The following CRADD variants were observed in gnomAD, a reference collection of about 807,000 sequenced individuals.
The protein encoded by CRADD is death domain-containing protein CRADD.
Under a neutral mutation model 15.5 loss-of-function variants are expected in CRADD, and 9 were observed. That is an observed-to-expected ratio of 0.58 (90% CI 0.35 to 1.01). The LOEUF (loss-of-function observed/expected upper bound fraction) is 1.01. Among genes scored for constraint, CRADD ranks in the 50% least tolerant of loss-of-function variants. The probability of loss-of-function intolerance (pLI) is 0.02; values close to 1 mark genes in which losing one functional copy is unlikely to be tolerated. For missense variants in CRADD, 227 were observed against 250.3 expected (o/e 0.91, Z 0.63); for synonymous variants, 118 against 107.6 (o/e 1.10, Z -0.60).
chr12:93,759,952 G>A (rs1272375911), intron 2 of CRADD, among the ~76,000 whole-genome samples: 1 of 152,148 alleles, frequency 6.6e-6, no homozygotes, highest in Non-Finnish European at 1.5e-5. Context: ...CCATCTGATG[G>A]TGGGGTGTGG....
exon 3 of CRADD, chr12:93,894,710 G>GC (rs1958600386): frequency 6.5e-6 from 1 of 153,018 alleles, no homozygotes; most frequent in Admixed American, 6.5e-5. Flanking sequence ...GAGGCCCACA[G>GC]CCCCCGCCAG....
chr12:93,727,093 G>A lies in CRADD; in HGVS notation c.298+48021G>A, dbSNP rs148291847. Among the ~76,000 whole-genome samples the A allele has an allele frequency of 3.3e-3, 500 of 152,272 alleles. 4 individuals carry two copies. Among genetic ancestry groups the A allele is most frequent in the South Asian group, 0.011 (54 of 4,822 alleles). On this transcript the variant is annotated intron_variant, in intron 2 of 2. Coordinates refer to ENST00000332896, the MANE Select transcript of CRADD (RefSeq NM_003805.5). The stretch of plus-strand genomic sequence containing the variant: ...ATTTATGATGCTCAGGTGGGAAAAC[G>A]TTCAGACTCCACAATTGAAAAGATC...
At chr12:93,779,975 C>G (rs991192945) in intron 2 of CRADD, among the ~76,000 whole-genome samples, 2 of 152,154 alleles carry the variant, frequency 1.3e-5, no homozygotes, top group African/African-American at 4.8e-5. Flanking sequence ...AGCACATGAT[C>G]AGGGACAAAT....
At chr12:93,819,694 A>G (rs528705004) in intron 2 of CRADD, among the ~76,000 whole-genome samples, 1 of 152,260 alleles carries the variant, frequency 6.6e-6, no homozygotes, top group Admixed American at 6.5e-5. Context: ...GGCAAACACT[A>G]TAGAAGTACT....
chr12:93,762,225 T>C (rs934207155), intron 2 of CRADD, among the ~76,000 whole-genome samples: 1 of 152,210 alleles, frequency 6.6e-6, no homozygotes, highest in African/African-American at 2.4e-5. Flanking sequence ...TAATTGCAGC[T>C]GCTACTCTGG....
chr12:93,830,770 T>A (rs1056973357), intron 2 of CRADD, among the ~76,000 whole-genome samples: 2 of 152,212 alleles, frequency 1.3e-5, no homozygotes, highest in South Asian at 2.1e-4. Flanking sequence ...ACTTTAATTC[T>A]CTTGACTTTA....
At chr12:93,678,408 G>T (rs1955206004) in intron 1 of CRADD, among the ~76,000 whole-genome samples, 2 of 152,160 alleles carry the variant, frequency 1.3e-5, no homozygotes, top group African/African-American at 2.4e-5. Flanking sequence ...CTTCTCCAGC[G>T]TGTTAAAATT....
At chr12:93,728,552 A>G (rs1956408775) in intron 2 of CRADD, among the ~76,000 whole-genome samples, 1 of 152,210 alleles carries the variant, frequency 6.6e-6, no homozygotes, top group African/African-American at 2.4e-5. Flanking sequence ...TAAAGTTCAG[A>G]AAAACATTGC....
At chr12:93,827,843 A>G (rs892430551) in intron 2 of CRADD, among the ~76,000 whole-genome samples, 1 of 152,222 alleles carries the variant, frequency 6.6e-6, no homozygotes, top group Admixed American at 6.5e-5. Flanking sequence ...CTCATCTTGC[A>G]TAAATGAAAG....
At chr12:93,685,957 C>T (rs900971896) in intron 2 of CRADD, among the ~76,000 whole-genome samples, 8 of 151,904 alleles carry the variant, frequency 5.3e-5, no homozygotes, top group Admixed American at 2.6e-4. Flanking sequence ...CGCGCCATTG[C>T]ACTCCAGCCT....
At chr12:93,786,848 C>A (rs1334921447) in intron 2 of CRADD, among the ~76,000 whole-genome samples, 1 of 152,078 alleles carries the variant, frequency 6.6e-6, no homozygotes, top group Non-Finnish European at 1.5e-5. Flanking sequence ...GTACTTTATT[C>A]CCATAGAAAA....
At chr12:93,866,469 A>G (rs993372701) in intron 2 of CRADD, among the ~76,000 whole-genome samples, 5 of 152,154 alleles carry the variant, frequency 3.3e-5, no homozygotes, top group African/African-American at 1.2e-4. Flanking sequence ...CTATTGCTTC[A>G]TGTTTACAAT....
intron 2 of CRADD, among the ~76,000 whole-genome samples, chr12:93,813,232 A>T (rs1957649080): frequency 6.6e-6 from 1 of 152,214 alleles, no homozygotes; most frequent in Non-Finnish European, 1.5e-5. Flanking sequence ...GAATCTAGCC[A>T]TGTAAAAACT....
chr12:93,737,232 T>C (rs998841682), intron 2 of CRADD, among the ~76,000 whole-genome samples: 1 of 152,228 alleles, frequency 6.6e-6, no homozygotes, highest in Non-Finnish European at 1.5e-5. Context: ...GATATTACTA[T>C]ATTGCAAGTA....
At chr12:93,682,270 A>G (rs529298945) in intron 2 of CRADD, among the ~76,000 whole-genome samples, 1 of 152,194 alleles carries the variant, frequency 6.6e-6, no homozygotes, top group Non-Finnish European at 1.5e-5. Context: ...TTTTGTAAAG[A>G]TATCTTTGAG....
chr12:93,893,529 G>A (rs887098208), intron 2 of CRADD, among the ~76,000 whole-genome samples: 1 of 152,132 alleles, frequency 6.6e-6, no homozygotes, highest in Admixed American at 6.6e-5. Context: ...GCTTTCTAAA[G>A]CATTTGTTTG....
intron 2 of CRADD, among the ~76,000 whole-genome samples, chr12:93,783,017 A>C (rs1957229234): frequency 6.6e-6 from 1 of 152,014 alleles, no homozygotes; most frequent in African/African-American, 2.4e-5. Context: ...AAAAACAGTC[A>C]AGTGTTCTAT....
intron 2 of CRADD, among the ~76,000 whole-genome samples, chr12:93,849,518 A>C (rs1472133662): frequency 6.6e-6 from 1 of 152,150 alleles, no homozygotes; most frequent in Non-Finnish European, 1.5e-5. Flanking sequence ...AGGCAGGTGG[A>C]TCACCTGAGG....
chr12:93,722,566 TG>T (rs554661120), intron 2 of CRADD, among the ~76,000 whole-genome samples: 291 of 152,302 alleles, frequency 1.9e-3, no homozygotes, highest in Non-Finnish European at 3.4e-3. Context: ...AGGTTTCTAT[TG>T]ATACATTCTT....
Sources: gnomAD v4.1 joint callset for allele counts (sites outside exome capture counted in the v4.1 genomes callset) on GRCh38, gnomAD v4.1.1 for gene constraint, MANE v1.5 for transcripts, NCBI Gene and HGNC (gene_info 2026-07-23, HGNC 2026-07-21) for gene names.